The following PARP8 variants were observed in gnomAD, a reference collection of about 807,000 sequenced individuals.
PARP8 encodes protein mono-ADP-ribosyltransferase PARP8.
A neutral mutation model predicts 124.1 loss-of-function variants in PARP8; 51 were observed. That is an observed-to-expected ratio of 0.41 (90% CI 0.33 to 0.52). The LOEUF is 0.52. Ranked by LOEUF, PARP8 falls within the 20% of genes least tolerant of loss-of-function variation. PARP8 has a pLI of 0.21. For synonymous variants in PARP8, 391 were observed against 361.5 expected (o/e 1.08, Z -0.93); for missense variants, 860 against 1,018.9 (o/e 0.84, Z 2.12).
chr5:50,763,952 C>A (rs758368338), intron 7 of PARP8, among the ~76,000 whole-genome samples: 4 of 152,162 alleles, frequency 2.6e-5, no homozygotes, highest in Non-Finnish European at 5.9e-5. Context: ...CCTTTATGCT[C>A]CCAGACTACC....
At chr5:50,792,280 T>C (rs1174979773) in intron 10 of PARP8, among the ~76,000 whole-genome samples, 1 of 152,124 alleles carries the variant, frequency 6.6e-6, no homozygotes, top group Non-Finnish European at 1.5e-5. Flanking sequence ...TTATACCAAA[T>C]GTGTTCATAT....
At chr5:50,679,082 G>C (rs191714378) in intron 2 of PARP8, among the ~76,000 whole-genome samples, 3 of 151,984 alleles carry the variant, frequency 2.0e-5, no homozygotes, top group African/African-American at 7.3e-5. Flanking sequence ...CTGTGGAGAA[G>C]CCACCTTTTT....
intron 7 of PARP8, among the ~76,000 whole-genome samples, chr5:50,768,788 G>A (rs1044450550): frequency 2.0e-5 from 3 of 152,052 alleles, no homozygotes; most frequent in Non-Finnish European, 4.4e-5. Flanking sequence ...TGACTGGGTC[G>A]CTGCATCTGG....
intron 2 of PARP8, among the ~76,000 whole-genome samples, chr5:50,682,247 C>G (rs1354428523): frequency 2.6e-5 from 4 of 152,108 alleles, no homozygotes; most frequent in Non-Finnish European, 5.9e-5. Flanking sequence ...AAACCTAGAT[C>G]TGAGCAAAAA....
chr5:50,733,261 A>G (rs1198863447), intron 2 of PARP8, among the ~76,000 whole-genome samples: 1 of 151,710 alleles, frequency 6.6e-6, no homozygotes, highest in African/African-American at 2.4e-5. Flanking sequence ...GCCACACCGC[A>G]CTCCAGCCTG....
chr5:50,755,727 G>T (rs1291354709), intron 3 of PARP8, among the ~76,000 whole-genome samples: 1 of 152,132 alleles, frequency 6.6e-6, no homozygotes, highest in Non-Finnish European at 1.5e-5. Flanking sequence ...GAAAGTCATT[G>T]GTAGCTTGAT....
At chr5:50,748,151 T>C (rs1758819579) in intron 2 of PARP8, among the ~76,000 whole-genome samples, 1 of 151,908 alleles carries the variant, frequency 6.6e-6, no homozygotes, top group Non-Finnish European at 1.5e-5. Context: ...AAAATGATTT[T>C]TAGAATTATT....
chr5:50,715,241 T>C (rs1035253692), intron 2 of PARP8, among the ~76,000 whole-genome samples: 5 of 152,044 alleles, frequency 3.3e-5, no homozygotes, highest in Admixed American at 2.6e-4. Context: ...CACCCACAGT[T>C]ATCGCTCTTT....
chr5:50,738,832 G>A, intron 2 of PARP8: 2 of 566,698 alleles, frequency 3.5e-6, no homozygotes, highest in African/African-American at 1.8e-5. Flanking sequence ...CCACGGCTTG[G>A]ACGAGCTTGG....
chr5:50,834,535 T>A (rs1263062452), intron 24 of PARP8, among the ~76,000 whole-genome samples: 1 of 152,194 alleles, frequency 6.6e-6, no homozygotes, highest in Non-Finnish European at 1.5e-5. Flanking sequence ...TGCTTTAAAA[T>A]ATGACTGCCT....
chr5:50,802,935 T>C (rs1422986992), intron 14 of PARP8, among the ~76,000 whole-genome samples: 1 of 152,244 alleles, frequency 6.6e-6, no homozygotes, highest in African/African-American at 2.4e-5. Flanking sequence ...ATGTGGACTA[T>C]GTAGTGTCCT....
chr5:50,704,247 G>A (rs1175154786), intron 2 of PARP8, among the ~76,000 whole-genome samples: 1 of 152,082 alleles, frequency 6.6e-6, no homozygotes, highest in Non-Finnish European at 1.5e-5. Context: ...TAGCTCTTGT[G>A]TATAGATATC....
intron 15 of PARP8, among the ~76,000 whole-genome samples, chr5:50,817,405 T>C (rs1388110104): frequency 1.3e-5 from 2 of 152,174 alleles, no homozygotes; most frequent in African/African-American, 2.4e-5. Context: ...TCTGTCATAA[T>C]CCTAACGATT....
intron 14 of PARP8, among the ~76,000 whole-genome samples, chr5:50,807,245 CTACT>C (rs370143284): frequency 6.6e-4 from 101 of 152,120 alleles, no homozygotes; most frequent in Admixed American, 1.8e-3. Context: ...GGGAACTAAA[CTACT>C]TACTTACTTA....
At chr5:50,764,491 T>C (rs926760351) in intron 7 of PARP8, among the ~76,000 whole-genome samples, 1 of 152,224 alleles carries the variant, frequency 6.6e-6, no homozygotes, top group Non-Finnish European at 1.5e-5. Flanking sequence ...CCAAACATTT[T>C]ATTTTAACTG....
At chr5:50,724,906 T>G (rs1756264158) in intron 2 of PARP8, among the ~76,000 whole-genome samples, 2 of 152,066 alleles carry the variant, frequency 1.3e-5, no homozygotes, top group Non-Finnish European at 2.9e-5. Flanking sequence ...TGTTTGCCTT[T>G]GCGTACTCGT....
At chr5:50,815,582 C>T (rs1745012232) in intron 15 of PARP8, 58 bp downstream of exon 15, 1 of 1,217,194 alleles carries the variant, frequency 8.2e-7, no homozygotes, top group Non-Finnish European at 1.1e-6. Flanking sequence ...TGTTCCAGTC[C>T]ACTAGTTATC....
At chr5:50,791,748 A>G (rs921048924) in intron 10 of PARP8, among the ~76,000 whole-genome samples, 2 of 151,954 alleles carry the variant, frequency 1.3e-5, no homozygotes, top group Admixed American at 1.3e-4. Context: ...TTAAGGGGGG[A>G]AAATATTGCA....
intron 2 of PARP8, among the ~76,000 whole-genome samples, chr5:50,713,280 G>T (rs1365919860): frequency 2.0e-5 from 3 of 151,674 alleles, no homozygotes; most frequent in Non-Finnish European, 2.9e-5. Flanking sequence ...TCACTCTATT[G>T]CCCAGGCTGG....
Sources: allele counts gnomAD v4.1 joint callset (sites outside exome capture counted in the v4.1 genomes callset), GRCh38; gene constraint gnomAD v4.1.1; transcripts MANE v1.5; gene names NCBI Gene and HGNC (gene_info 2026-07-23, HGNC 2026-07-21).